PRDM6: variants seen among roughly 807,000 people sequenced by gnomAD.
PRDM6 encodes PR/SET domain 6.
In PRDM6, 25 loss-of-function variants were observed where a neutral mutation model predicts 60.8. That is an observed-to-expected ratio of 0.41 (90% CI 0.30 to 0.57). The LOEUF (loss-of-function observed/expected upper bound fraction) is 0.57, where lower values mean the gene tolerates loss of function less well. Ranked by LOEUF, PRDM6 falls within the 20% of genes least tolerant of loss-of-function variation. PRDM6 has a pLI of 0.27. For synonymous variants in PRDM6, 407 were observed against 357.4 expected (o/e 1.14, Z -1.57); for missense variants, 839 against 821.3 (o/e 1.02, Z -0.26).
chr5:123,177,326 C>T (rs2126888327), intron 6 of PRDM6, among the ~76,000 whole-genome samples: 1 of 152,292 alleles, frequency 6.6e-6, no homozygotes, highest in East Asian at 1.9e-4. Flanking sequence ...TAAGGGCTAA[C>T]TTTCTATAAA....
intron 3 of PRDM6, among the ~76,000 whole-genome samples, chr5:123,118,528 C>T (rs1296540869): frequency 6.6e-6 from 1 of 152,150 alleles, no homozygotes; most frequent in Non-Finnish European, 1.5e-5. Flanking sequence ...CAAGTTTCAC[C>T]ACCATCCAAG....
chr5:123,101,734 TC>T (rs1387255492), intron 3 of PRDM6, among the ~76,000 whole-genome samples: 1 of 152,004 alleles, frequency 6.6e-6, no homozygotes, highest in East Asian at 1.9e-4. Context: ...GTGGGTTTTT[TC>T]CCCCCCAGAA....
At position 123,090,536 on chromosome 5, in the gene PRDM6, CT is replaced by C. The variant is rs1763809231; in HGVS notation, c.523del (p.Tyr175IlefsTer118). On this transcript the variant is annotated frameshift_variant, in exon 2 of 8. Coordinates refer to ENST00000407847, the MANE Select transcript of PRDM6 (RefSeq NM_001136239.4). LOFTEE classifies it high-confidence loss of function. ...RFRCSAEELD[Y>X]YLYGQQRMEI... ...TCCGCTGCAGCGCAGAGGAGCTGGA[CT>C]ATTACCTGTATGGCCAGCAGCGCAT... 1 of 1,521,134 alleles carries C rather than the reference CT, an allele frequency of 6.6e-7. No individual in the cohort carries two copies. Among genetic ancestry groups the C allele is most frequent in the Non-Finnish European group, 8.8e-7 (1 of 1,142,202 alleles). 94.2% of individuals were successfully genotyped at this position (1,521,134 alleles called of 1,614,324 possible).
chr5:123,180,508 C>G (rs1766128603), intron 7 of PRDM6, among the ~76,000 whole-genome samples, 185 bp downstream of exon 7: 1 of 152,242 alleles, frequency 6.6e-6, no homozygotes, highest in Non-Finnish European at 1.5e-5. Context: ...GTCAGGAAAC[C>G]TATGCACTGG....
chr5:123,116,209 A>G (rs967210911), intron 3 of PRDM6, among the ~76,000 whole-genome samples: 1 of 152,160 alleles, frequency 6.6e-6, no homozygotes, highest in Admixed American at 6.5e-5. Context: ...GGAGCTTTCC[A>G]TCTGTCCAAA....
chr5:123,144,582 G>A (rs1208420393), intron 3 of PRDM6, among the ~76,000 whole-genome samples: 1 of 152,070 alleles, frequency 6.6e-6, no homozygotes. Flanking sequence ...AGTCCTCAGC[G>A]TGGGACAGTT....
Position 123,130,758 on chromosome 5 carries a change from G to C in PRDM6, c.901-25126G>C, listed in dbSNP as rs564041036. ...TGTTTTGTATTTTTAATAGAGACAG[G>C]GTTTCTCCATGTTTGTCAGGCTGGT... On this transcript the variant is annotated intron_variant, in intron 3 of 7. Transcript: ENST00000407847. 3.8e-4 allele frequency among the ~76,000 whole-genome samples: 58 copies of C among 152,100 alleles called. 1 individual carries two copies. Among genetic ancestry groups the C allele is most frequent in the Non-Finnish European group, 1.8e-4 (12 of 67,982 alleles).
intron 3 of PRDM6, among the ~76,000 whole-genome samples, chr5:123,140,666 T>C (rs140547522): frequency 5.8e-4 from 89 of 152,280 alleles, no homozygotes; most frequent in African/African-American, 2.0e-3. Flanking sequence ...ATGGCACATA[T>C]CTTGATAGGC....
chr5:123,187,168 A>T lies in PRDM6; in HGVS notation c.1755A>T (p.Ile585=). The part of the protein sequence containing the change: ...HQRMPNECKP[I]TESPESIEVD Reference sequence around the variant, plus strand: ...GGATGCCCAATGAGTGCAAGCCAATAACTGAGAGCCCAGAATCAATCGAAG... The same window carrying T: ...GGATGCCCAATGAGTGCAAGCCAATTACTGAGAGCCCAGAATCAATCGAAG... Residue 585 remains isoleucine, a synonymous_variant, in exon 8 of 8, where the codon ATA becomes ATT. Transcript: ENST00000407847. 6.4e-7 allele frequency: 1 copy of T among 1,551,470 alleles called. No homozygotes were observed. Among genetic ancestry groups the T allele is most frequent in the African/African-American group, 1.4e-5 (1 of 73,154 alleles).
chr5:123,170,703 T>C, intron 5 of PRDM6, 63 bp from the exon 6 acceptor site: 1 of 1,118,568 alleles, frequency 8.9e-7, no homozygotes, highest in Non-Finnish European at 1.3e-6. Flanking sequence ...TAAAAGTATG[T>C]GTTATTGTGC....
Position 123,164,109 on chromosome 5 carries a change from A to G in PRDM6, c.1153+4471A>G, listed in dbSNP as rs115922617. 1.8e-3 allele frequency among the ~76,000 whole-genome samples: 281 copies of G among 152,180 alleles called. 7 individuals carry two copies. In the South Asian group the frequency reaches 0.029, roughly 16 times the overall value. On this transcript the variant is annotated intron_variant, in intron 5 of 7. Transcript: ENST00000407847. ...GCAGGGCCCCAGGGGAAGCGTTGTG[A>G]TGGGTGCAAAAAGCCAGGCCCTGTC... is the stretch of plus-strand genomic sequence containing the variant.
intron 6 of PRDM6, among the ~76,000 whole-genome samples, chr5:123,176,764 A>C (rs1421773986): frequency 1.3e-5 from 2 of 152,188 alleles, no homozygotes; most frequent in African/African-American, 4.8e-5. Flanking sequence ...CAATGTCATG[A>C]GATCCTGGAA....
intron 3 of PRDM6, among the ~76,000 whole-genome samples, chr5:123,142,752 C>A (rs1765134560): frequency 6.6e-6 from 1 of 151,638 alleles, no homozygotes; most frequent in African/African-American, 2.4e-5. Context: ...TGAAATAAAC[C>A]AACCAAAGGA....
intron 3 of PRDM6, among the ~76,000 whole-genome samples, chr5:123,141,453 T>C (rs1003536598): frequency 3.3e-5 from 5 of 152,138 alleles, no homozygotes; most frequent in Non-Finnish European, 7.4e-5. Flanking sequence ...GTTTTTATTT[T>C]TCTAGAAATT....
At chr5:123,181,779 T>TG (rs992131045) in intron 7 of PRDM6, among the ~76,000 whole-genome samples, 3 of 152,172 alleles carry the variant, frequency 2.0e-5, no homozygotes, top group African/African-American at 4.8e-5. Context: ...CCTGCTGTCG[T>TG]GGCGCACTTT....
intron 3 of PRDM6, among the ~76,000 whole-genome samples, chr5:123,150,561 C>T (rs991844742): frequency 5.3e-5 from 8 of 152,254 alleles, no homozygotes; most frequent in African/African-American, 1.2e-4. Flanking sequence ...CCTCCTGACA[C>T]GCAGAGGAAT....
chr5:123,188,734 A>ACT lies in PRDM6; in HGVS notation c.*1534_*1535dup, dbSNP rs1766341763. 6.6e-6 allele frequency: 1 copy of ACT among 152,174 alleles called. No homozygotes were observed. The highest frequency in any genetic ancestry group is 1.5e-5 in the Non-Finnish European group (1 of 68,036). 9.4% of individuals were successfully genotyped at this position (152,174 alleles called of 1,614,324 possible). A position where few individuals can be genotyped will look rare whatever the true frequency, so the allele number is the denominator to read the frequency against. ...AAAAATGAGACACATAACTGAACTC[A>ACT]CTACTAAAAGGCAAGGATACTGTGT... On this transcript the variant is annotated 3_prime_UTR_variant, in exon 8 of 8. Coordinates refer to ENST00000407847, the MANE Select transcript of PRDM6 (RefSeq NM_001136239.4).
At position 123,177,632 on chromosome 5, in the gene PRDM6, A is replaced by T. The variant is rs115550874; in HGVS notation, c.1497-2515A>T. ...CATGTACACACACACACAACCATAG[A>T]AAGCTCCATGTATAGGGAGCTGACT... On this transcript the variant is annotated intron_variant, in intron 6 of 7. Transcript: ENST00000407847. Among the ~76,000 whole-genome samples the T allele has an allele frequency of 7.3e-3, 1,107 of 152,314 alleles. 12 individuals carry two copies. The highest frequency in any genetic ancestry group is 0.024 in the African/African-American group (997 of 41,572).
At chr5:123,136,488 A>C (rs1157186229) in intron 3 of PRDM6, among the ~76,000 whole-genome samples, 1 of 152,214 alleles carries the variant, frequency 6.6e-6, no homozygotes, top group African/African-American at 2.4e-5. Flanking sequence ...AAGAATGAAA[A>C]TATAAAAAGA....
Sources: allele counts gnomAD v4.1 joint callset (sites outside exome capture counted in the v4.1 genomes callset), GRCh38; gene constraint gnomAD v4.1.1; transcripts MANE v1.5; gene names NCBI Gene and HGNC (gene_info 2026-07-23, HGNC 2026-07-21).